The following PEX14 variants were observed in gnomAD, a reference collection of about 807,000 sequenced individuals.
PEX14 encodes the protein peroxisomal membrane protein PEX14.
Under a neutral mutation model 49.5 loss-of-function variants are expected in PEX14, and 15 were observed. The ratio of observed to expected loss-of-function variants is 0.30; its 90% CI spans 0.20 to 0.47. PEX14 has a LOEUF of 0.47. PEX14 is among the 20% of genes least tolerant of loss of function. The pLI, the probability that PEX14 is intolerant of heterozygous loss-of-function variation, is 1.00. For synonymous variants in PEX14, 210 were observed against 212.7 expected (o/e 0.99, Z 0.11); for missense variants, 398 against 494.8 (o/e 0.80, Z 1.86).
At position 10,613,135 on chromosome 1, in the gene PEX14, C is replaced by G. The variant is rs1641318689; in HGVS notation, c.299-5197C>G. On this transcript the variant is annotated intron_variant, in intron 4 of 8. Coordinates refer to ENST00000356607, the MANE Select transcript of PEX14 (RefSeq NM_004565.3). This position sits in a 1 kb window ranked among gnomAD's most constrained non-coding sequence, Gnocchi z 5.0. ...GGTGTGGATCGGTCTGTGACTTGCT[C>G]AGCAAGGTTTCAGGCTCAACATTGC... is the stretch of plus-strand genomic sequence containing the variant. Among the ~76,000 whole-genome samples, 1 of 151,124 alleles carries G rather than the reference C, an allele frequency of 6.6e-6. No individual in the cohort carries two copies. The highest frequency in any genetic ancestry group is 2.4e-5 in the African/African-American group (1 of 41,052).
chr1:10,477,090 A>G (rs1385112407), intron 1 of PEX14, among the ~76,000 whole-genome samples: 47 of 146,710 alleles, frequency 3.2e-4, no homozygotes, highest in African/African-American at 1.2e-3. Context: ...TTTTTTTTTG[A>G]GACAGAGTCT....
At chr1:10,615,743 G>A (rs1055940079) in intron 4 of PEX14, among the ~76,000 whole-genome samples, 1 of 152,220 alleles carries the variant, frequency 6.6e-6, no homozygotes, top group Non-Finnish European at 1.5e-5. Context: ...AATGAGCTGG[G>A]TGCCCATCGG....
intron 2 of PEX14, among the ~76,000 whole-genome samples, chr1:10,507,320 G>A (rs1396199425): frequency 6.6e-6 from 1 of 152,272 alleles, no homozygotes; most frequent in Non-Finnish European, 1.5e-5. Flanking sequence ...TGCGTGCGGG[G>A]CGCCCGCTGC....
At position 10,599,276 on chromosome 1, in the gene PEX14, T is replaced by G. The variant is rs77261230; in HGVS notation, c.208T>G (p.Ser70Ala). ...DEEIDMAFQQ[S>A]GTAADEPSSL... ...AGAGATTGATATGGCCTTCCAGCAG[T>G]CGGGCACTGCTGCCGATGAGCCTTC... Residue 70 changes from serine (S) to alanine (A), a missense_variant, in exon 4 of 9, where the codon TCG (serine) becomes GCG (alanine). Transcript: ENST00000356607. The G allele has an allele frequency of 1.2e-3, 1,980 of 1,614,094 alleles. 28 individuals carry two copies. In the East Asian group the frequency reaches 0.037, roughly 30 times the overall value.
chr1:10,620,790 C>G (rs1371166974), intron 5 of PEX14, among the ~76,000 whole-genome samples: 1 of 152,246 alleles, frequency 6.6e-6, no homozygotes, highest in Non-Finnish European at 1.5e-5. Context: ...AAGAGCGAGA[C>G]TTTGTCTCAA....
chr1:10,491,774 G>C (rs563102682), intron 1 of PEX14, among the ~76,000 whole-genome samples: 1 of 147,734 alleles, frequency 6.8e-6, no homozygotes, highest in Admixed American at 6.9e-5. Context: ...TCCGCCTCCC[G>C]GGTTCAAGCG....
chr1:10,483,181 G>T (rs1641311622), intron 1 of PEX14, among the ~76,000 whole-genome samples: 1 of 151,990 alleles, frequency 6.6e-6, no homozygotes, highest in Non-Finnish European at 1.5e-5. Flanking sequence ...TTTGAGACAG[G>T]GTCTCACTCT....
At chr1:10,520,170 T>TTTGTTTTTTA (rs1638237322) in intron 2 of PEX14, among the ~76,000 whole-genome samples, 1 of 142,210 alleles carries the variant, frequency 7.0e-6, no homozygotes, top group Non-Finnish European at 1.5e-5. Context: ...TTTGTTTTTT[T>TTTGTTTTTTA]AACTAGAGAC....
chr1:10,616,430 G>A (rs1350741167), intron 4 of PEX14, among the ~76,000 whole-genome samples: 1 of 152,180 alleles, frequency 6.6e-6, no homozygotes, highest in African/African-American at 2.4e-5. Context: ...GCTTCACTCG[G>A]CCGTGTTGTG....
chr1:10,609,403 T>C (rs963926374), intron 4 of PEX14, among the ~76,000 whole-genome samples: 2 of 152,222 alleles, frequency 1.3e-5, no homozygotes, highest in Non-Finnish European at 2.9e-5. Flanking sequence ...AGTATACAAT[T>C]CAATGAGTTG....
chr1:10,528,454 C>A, intron 2 of PEX14: 1 of 192,784 alleles, frequency 5.2e-6, no homozygotes, highest in Non-Finnish European at 9.5e-6. Context: ...TAGGGAGGTG[C>A]TGGGGACTGT....
At chr1:10,627,658 G>A (rs1445316522) in intron 8 of PEX14, among the ~76,000 whole-genome samples, 4 of 152,256 alleles carry the variant, frequency 2.6e-5, no homozygotes, top group Admixed American at 6.5e-5. Context: ...TGGAGCAGAG[G>A]AGAACTTCCT....
intron 3 of PEX14, among the ~76,000 whole-genome samples, chr1:10,553,780 CCT>C (rs1557841474): frequency 6.6e-6 from 1 of 152,106 alleles, no homozygotes; most frequent in Non-Finnish European, 1.5e-5. Flanking sequence ...TCTGCTCTTC[CCT>C]GAGTTTGTCC....
At chr1:10,622,092 C>T (rs779511278) in intron 5 of PEX14, among the ~76,000 whole-genome samples, 6 of 152,132 alleles carry the variant, frequency 3.9e-5, no homozygotes, top group Non-Finnish European at 8.8e-5. Context: ...CTACACGCAG[C>T]TGTCCCTGCA....
rs551524846 is a variant in PEX14, at chr1:10,516,544, G to A, written c.85-19669G>A. On this transcript the variant is annotated intron_variant, in intron 2 of 8. Transcript: ENST00000356607. ...CCTGCCTGAAACTTTACCTGGGATT[G>A]TCTTGATTTGACCCAAGCCTCGTCT... 9.2e-5 allele frequency among the ~76,000 whole-genome samples: 14 copies of A among 152,360 alleles called. No homozygotes were observed. In the East Asian group the frequency reaches 9.6e-4, roughly 10 times the overall value.
intron 3 of PEX14, among the ~76,000 whole-genome samples, chr1:10,557,269 G>A (rs1639513981): frequency 6.6e-6 from 1 of 152,160 alleles, no homozygotes; most frequent in Non-Finnish European, 1.5e-5. Flanking sequence ...TATTACTTTT[G>A]TGATTACCTT....
At chr1:10,535,747 G>T in intron 2 of PEX14, 1 of 281,620 alleles carries the variant, frequency 3.6e-6, no homozygotes. Flanking sequence ...AATCAGAACA[G>T]ACTATAAAAG....
chr1:10,618,544 G>A (rs1641497564), intron 5 of PEX14, 127 bp downstream of exon 5: 1 of 785,116 alleles, frequency 1.3e-6, no homozygotes, highest in Admixed American at 2.0e-5. Context: ...GCAGTGAGAG[G>A]CTGTGGTAGA....
At chr1:10,557,763 C>T (rs1639534963) in intron 3 of PEX14, among the ~76,000 whole-genome samples, 1 of 152,138 alleles carries the variant, frequency 6.6e-6, no homozygotes, top group Admixed American at 6.5e-5. Flanking sequence ...TTGTCAAGTT[C>T]ACAGTTTCTT....
Sources: allele counts gnomAD v4.1 joint callset (sites outside exome capture counted in the v4.1 genomes callset), GRCh38; gene constraint gnomAD v4.1.1; non-coding constraint Gnocchi (gnomAD v3.1); transcripts MANE v1.5; gene names NCBI Gene and HGNC (gene_info 2026-07-23, HGNC 2026-07-21).